Variants in SMYD3 observed in about 807,000 individuals in gnomAD.
The protein encoded by SMYD3 is histone-lysine N-methyltransferase SMYD3.
In SMYD3, 36 loss-of-function variants were observed where a neutral mutation model predicts 57.7. The ratio of observed to expected loss-of-function variants is 0.62; its 90% CI spans 0.48 to 0.82. SMYD3 has a LOEUF of 0.82. Ranked by LOEUF, SMYD3 falls within the 40% of genes least tolerant of loss-of-function variation. The pLI, the probability that SMYD3 is intolerant of heterozygous loss-of-function variation, is 0.00. For missense variants in SMYD3, 515 were observed against 538.8 expected, an observed-to-expected ratio of 0.96 and a Z score of 0.44; for synonymous variants, 211 against 195.0, an observed-to-expected ratio of 1.08 and a Z score of -0.68.
At chr1:245,793,199 C>A (rs914611207) in intron 10 of SMYD3, among the ~76,000 whole-genome samples, 4 of 151,360 alleles carry the variant, frequency 2.6e-5, no homozygotes, top group Non-Finnish European at 5.9e-5. Context: ...GTCCCAGCTA[C>A]TCGGGAGGCT....
rs148355708 is a variant in SMYD3 at position 246,029,669 on chromosome 1, C to T, written c.532-99732G>A. Among the ~76,000 whole-genome samples, 16 of 114,634 alleles carry T rather than the reference C, an allele frequency of 1.4e-4. No homozygotes were observed. In the East Asian group the frequency reaches 4.8e-3, roughly 35 times the overall value. The allele number at this position is 114,634 out of a possible 152,430, so 75.2% of individuals were successfully genotyped here. A position where few individuals can be genotyped will look rare whatever the true frequency, so the allele number is the denominator to read the frequency against. On this transcript the variant is annotated intron_variant, in intron 5 of 11. Transcript: ENST00000490107. ...CCTGGCTGACAGAGTGAGACTCTGTCTCAGAAAAAAAAAAAAAAAAAGAAA... is the reference window on the plus strand; with the variant it reads ...CCTGGCTGACAGAGTGAGACTCTGTTTCAGAAAAAAAAAAAAAAAAAGAAA...
At chr1:246,127,523 T>C (rs1269103207) in intron 5 of SMYD3, among the ~76,000 whole-genome samples, 1 of 152,192 alleles carries the variant, frequency 6.6e-6, no homozygotes, top group Admixed American at 6.5e-5. Flanking sequence ...TTTTCTTCTA[T>C]TTCTGTTGTC....
At chr1:246,452,750 G>A (rs1019292254) in intron 1 of SMYD3, among the ~76,000 whole-genome samples, 4 of 152,196 alleles carry the variant, frequency 2.6e-5, no homozygotes, top group African/African-American at 7.2e-5. Context: ...TTTTTAAACC[G>A]TTCCTGATTT....
intron 5 of SMYD3, among the ~76,000 whole-genome samples, chr1:246,310,037 G>C (rs1167344503): frequency 6.6e-6 from 1 of 152,028 alleles, no homozygotes; most frequent in South Asian, 2.1e-4. Context: ...AATTTTCCTA[G>C]TTAATATAAC....
chr1:245,839,221 C>T (rs1245546158), intron 10 of SMYD3, among the ~76,000 whole-genome samples: 1 of 152,124 alleles, frequency 6.6e-6, no homozygotes, highest in Admixed American at 6.6e-5. Context: ...CCAGGCCGGA[C>T]TGCAGTGGTG....
intron 1 of SMYD3, among the ~76,000 whole-genome samples, chr1:246,394,161 C>A (rs1396144034): frequency 2.0e-5 from 3 of 152,212 alleles, no homozygotes; most frequent in Admixed American, 6.5e-5. Context: ...TTACTCTTAT[C>A]AATAAGTACC....
chr1:245,878,748 A>T (rs552884899), intron 8 of SMYD3, among the ~76,000 whole-genome samples: 26 of 152,318 alleles, frequency 1.7e-4, no homozygotes, highest in Middle Eastern at 3.4e-3. Flanking sequence ...TGTGACTTTC[A>T]CAGCCCCATT....
chr1:246,185,253 T>C (rs1439590845), intron 5 of SMYD3, among the ~76,000 whole-genome samples: 3 of 152,156 alleles, frequency 2.0e-5, no homozygotes, highest in Admixed American at 6.5e-5. Flanking sequence ...TTCCTTTTTT[T>C]TGGAGGCAGA....
chr1:246,462,231 TCCCGCGGGG>T (rs1317423439), intron 1 of SMYD3, among the ~76,000 whole-genome samples: 7 of 74,246 alleles, frequency 9.4e-5, no homozygotes, highest in African/African-American at 2.2e-4. Flanking sequence ...CAGTGCATCC[TCCCGCGGGG>T]CCTGCTGGGT....
intron 1 of SMYD3, among the ~76,000 whole-genome samples, chr1:246,393,241 G>C (rs145386512): frequency 6.6e-6 from 1 of 152,250 alleles, no homozygotes; most frequent in African/African-American, 2.4e-5. Flanking sequence ...AAGTATATGA[G>C]ATGTGAATTA....
chr1:246,221,629 G>A (rs2063255855), intron 5 of SMYD3, among the ~76,000 whole-genome samples: 1 of 152,130 alleles, frequency 6.6e-6, no homozygotes, highest in South Asian at 2.1e-4. Context: ...AGTGAACCCG[G>A]TCCAGCCACA....
intron 5 of SMYD3, among the ~76,000 whole-genome samples, chr1:246,042,402 G>A (rs2148297714): frequency 6.6e-6 from 1 of 152,228 alleles, no homozygotes; most frequent in African/African-American, 2.4e-5. Flanking sequence ...ACATACTCAG[G>A]GTTTGTAAAA....
At chr1:246,475,330 A>G (rs1323768790) in intron 1 of SMYD3, among the ~76,000 whole-genome samples, 1 of 110,392 alleles carries the variant, frequency 9.1e-6, no homozygotes, top group East Asian at 2.3e-4. Context: ...ACTGTCTCAG[A>G]AAAAAAAAAA....
At chr1:246,159,615 T>G (rs1473265497) in intron 5 of SMYD3, among the ~76,000 whole-genome samples, 1 of 152,076 alleles carries the variant, frequency 6.6e-6, no homozygotes, top group African/African-American at 2.4e-5. Flanking sequence ...GAATGGGCAC[T>G]GGCCTGTGAT....
At chr1:246,416,769 G>A (rs907147001) in intron 1 of SMYD3, among the ~76,000 whole-genome samples, 9 of 152,062 alleles carry the variant, frequency 5.9e-5, no homozygotes, top group African/African-American at 1.9e-4. Context: ...CTTAGAAGCT[G>A]CCTCAGAACC....
chr1:246,127,712 A>G (rs1414730782), intron 5 of SMYD3, among the ~76,000 whole-genome samples: 1 of 152,106 alleles, frequency 6.6e-6, no homozygotes, highest in Admixed American at 6.5e-5. Flanking sequence ...CCTAGCCAAC[A>G]TAACGAAACC....
At chr1:245,800,064 G>C (rs2047780287) in intron 10 of SMYD3, among the ~76,000 whole-genome samples, 1 of 152,184 alleles carries the variant, frequency 6.6e-6, no homozygotes, top group South Asian at 2.1e-4. Context: ...CACTTCATCA[G>C]CCTCATTCTG....
At chr1:246,238,444 T>G (rs1391665371) in intron 5 of SMYD3, among the ~76,000 whole-genome samples, 1 of 152,184 alleles carries the variant, frequency 6.6e-6, no homozygotes, top group Non-Finnish European at 1.5e-5. Flanking sequence ...TAGATCCCAG[T>G]CCTCTGTGCT....
At chr1:245,915,459 T>TAG in intron 8 of SMYD3, 71 bp downstream of exon 8, 1 of 967,922 alleles carries the variant, frequency 1.0e-6, no homozygotes, top group Non-Finnish European at 1.6e-6. Context: ...TTATGAAATC[T>TAG]AGGCAGAGTT....
Sources: gnomAD v4.1 joint callset for allele counts (sites outside exome capture counted in the v4.1 genomes callset) on GRCh38, gnomAD v4.1.1 for gene constraint, MANE v1.5 for transcripts, NCBI Gene and HGNC (gene_info 2026-07-23, HGNC 2026-07-21) for gene names.